C5: variants seen among roughly 807,000 people sequenced by gnomAD.
The protein encoded by C5 is complement C5, also known as C3 and PZP-like alpha-2-macroglobulin domain-containing protein 4.
C5 carries 140 observed loss-of-function variants against 218.8 expected under a neutral mutation model. The observed-to-expected ratio is 0.64, with a 90% CI of 0.56 to 0.74. The LOEUF (loss-of-function observed/expected upper bound fraction) is 0.74, where lower values mean the gene tolerates loss of function less well. Ranked by LOEUF, C5 falls within the 30% of genes least tolerant of loss-of-function variation. C5 has a pLI of 0.00. For synonymous variants in C5, 614 were observed against 682.3 expected (o/e 0.90, Z 1.56); for missense variants, 1,700 against 1,969.6 (o/e 0.86, Z 2.59).
chr9:121,034,957 A>G, intron 4 of C5, 63 bp from the exon 5 acceptor site: 1 of 788,190 alleles, frequency 1.3e-6, no homozygotes, highest in South Asian at 1.5e-5. Flanking sequence ...TTAACTGATT[A>G]TACAATCTTT....
Position 120,990,720 on chromosome 9 carries a change from G to T in C5, c.2941+471C>A, listed in dbSNP as rs1216063138. On this transcript the variant is annotated intron_variant, in intron 23 of 40. Coordinates refer to ENST00000223642, the MANE Select transcript of C5 (RefSeq NM_001735.3). The stretch of plus-strand genomic sequence containing the variant: ...GACTTCCCAGCCTCCAGAACTGTGA[G>T]AAATAAATTTGTATTATTTATAAAT... Among the ~76,000 whole-genome samples, 3 of 152,196 alleles carry T rather than the reference G, an allele frequency of 2.0e-5. No homozygotes were observed. The East Asian group carries it at 5.8e-4, about 29-fold the overall frequency.
chr9:120,952,540 C>G lies in C5; in HGVS notation c.*199G>C. 1 of 515,876 alleles carries G rather than the reference C, an allele frequency of 1.9e-6. No homozygotes were observed. Among genetic ancestry groups the G allele is most frequent in the Non-Finnish European group, 3.5e-6 (1 of 289,390 alleles). The allele number at this position is 515,876 out of a possible 1,614,324, so 32.0% of individuals were successfully genotyped here. A position where few individuals can be genotyped will look rare whatever the true frequency, so the allele number is the denominator to read the frequency against. ...TTGGAGGAGTATCTGTCTTCATGCCCTCCAAGGCCATGTTATTTCAGAAAG... is the reference window on the plus strand; with the variant it reads ...TTGGAGGAGTATCTGTCTTCATGCCGTCCAAGGCCATGTTATTTCAGAAAG... On this transcript the variant is annotated 3_prime_UTR_variant, in exon 41 of 41. Coordinates refer to ENST00000223642, the MANE Select transcript of C5 (RefSeq NM_001735.3).
intron 27 of C5, among the ~76,000 whole-genome samples, chr9:120,980,840 G>A (rs1018516964): frequency 5.9e-5 from 9 of 151,646 alleles, no homozygotes; most frequent in Non-Finnish European, 8.8e-5. Context: ...CTTGTGATCC[G>A]CCCGCCTCGG....
intron 2 of C5, among the ~76,000 whole-genome samples, chr9:121,044,743 T>C (rs41307976): frequency 0.019 from 2,920 of 152,318 alleles, 89 homozygotes; most frequent in African/African-American, 0.067. Flanking sequence ...GAGAACTTTC[T>C]GTGATGACAG....
At position 120,955,871 on chromosome 9, in the gene C5, G is replaced by A. The variant is rs569432131; in HGVS notation, c.4762+1414C>T. ...AGCCTGAACAACATAGTGAGACCCC[G>A]TCTCAAAAGAAAAAAAATCAAGCAT... is the stretch of plus-strand genomic sequence containing the variant. On this transcript the variant is annotated intron_variant, in intron 39 of 40. Transcript: ENST00000223642. Among the ~76,000 whole-genome samples, 13 of 151,358 alleles carry A rather than the reference G, an allele frequency of 8.6e-5. No individual in the cohort carries two copies. The South Asian group carries it at 2.3e-3, about 27-fold the overall frequency.
intron 20 of C5, among the ~76,000 whole-genome samples, chr9:121,002,233 T>G (rs1490675725): frequency 1.9e-4 from 11 of 58,004 alleles, no homozygotes; most frequent in Admixed American, 1.0e-3. Flanking sequence ...TATATATGTA[T>G]ATATGTATAT....
chr9:120,971,491 T>C (rs1422991089), intron 31 of C5, among the ~76,000 whole-genome samples: 1 of 152,192 alleles, frequency 6.6e-6, no homozygotes, highest in Non-Finnish European at 1.5e-5. Flanking sequence ...CAGGCTGCAG[T>C]GCAGTTGTGC....
At position 121,027,331 on chromosome 9, in the gene C5, G is replaced by A. The variant is rs1006837220; in HGVS notation, c.759-57C>T. On this transcript the variant is annotated intron_variant, in intron 7 of 40. Transcript: ENST00000223642. ...AACATGGTTACAATAACAGGATTCAGATAAAATGTAACAATTTGAAATTAC... is the reference window on the plus strand; with the variant it reads ...AACATGGTTACAATAACAGGATTCAAATAAAATGTAACAATTTGAAATTAC... 4.7e-6 allele frequency: 4 copies of A among 855,894 alleles called. No homozygotes were observed. The Admixed American group carries it at 5.9e-5, about 13-fold the overall frequency. 53.0% of individuals were successfully genotyped at this position (855,894 alleles called of 1,614,324 possible).
At chr9:120,979,623 C>T in intron 28 of C5, 1 of 215,026 alleles carries the variant, frequency 4.7e-6, no homozygotes, top group Non-Finnish European at 9.4e-6. Flanking sequence ...TGTGGTGGCT[C>T]ATGCCTGTGA....
chr9:121,031,556 T>C (rs987519438), intron 6 of C5, among the ~76,000 whole-genome samples: 3 of 152,136 alleles, frequency 2.0e-5, no homozygotes, highest in African/African-American at 7.2e-5. Context: ...TCCAGCTCTC[T>C]GATGGGGAAC....
At chr9:121,053,457 G>A (rs549270260), upstream of C5, among the ~76,000 whole-genome samples, 8 of 152,274 alleles carry the variant, frequency 5.3e-5, no homozygotes, top group South Asian at 1.5e-3. Flanking sequence ...GAGAGAGGGC[G>A]GAGGTGGAGC....
intron 3 of C5, among the ~76,000 whole-genome samples, chr9:121,041,612 C>T (rs1463138778): frequency 6.6e-6 from 1 of 152,020 alleles, no homozygotes; most frequent in Admixed American, 6.6e-5. Flanking sequence ...TTAAGGAAAG[C>T]CTTGATAACC....
At chr9:121,040,952 C>CTT (rs35536237) in intron 3 of C5, among the ~76,000 whole-genome samples, 4 of 129,266 alleles carry the variant, frequency 3.1e-5, no homozygotes, top group Non-Finnish European at 5.0e-5. Flanking sequence ...TTTTTTTTCT[C>CTT]TTTTTTTTTT....
intron 33 of C5, among the ~76,000 whole-genome samples, chr9:120,967,723 CTT>C (rs909586360): frequency 6.9e-6 from 1 of 145,300 alleles, no homozygotes. Context: ...TTTTCTTTTT[CTT>C]TTTTTTTTTA....
At chr9:121,008,049 A>G (rs1057374395) in intron 18 of C5, among the ~76,000 whole-genome samples, 1 of 152,190 alleles carries the variant, frequency 6.6e-6, no homozygotes, top group Non-Finnish European at 1.5e-5. Flanking sequence ...TTTAAAAAGA[A>G]AACTTTTCTT....
chr9:121,028,430 A>G (rs1300240216), intron 7 of C5, among the ~76,000 whole-genome samples: 2 of 152,214 alleles, frequency 1.3e-5, no homozygotes, highest in African/African-American at 4.8e-5. Flanking sequence ...ACTAGCAAAG[A>G]CTTGGAACCC....
intron 9 of C5, 106 bp from the exon 10 acceptor site, chr9:121,023,625 C>T: frequency 1.3e-6 from 1 of 749,100 alleles, no homozygotes; most frequent in South Asian, 1.4e-5. Context: ...CATTCACTCA[C>T]TCCATTCTTG....
the C5 span, among the ~76,000 whole-genome samples, chr9:121,069,170 C>T: frequency 2.4e-4 from 36 of 152,242 alleles, no homozygotes; most frequent in Non-Finnish European, 3.7e-4. Context: ...AACTAAAAGG[C>T]TTCTGCACAA....
At chr9:121,016,175 T>C in intron 15 of C5, 79 bp downstream of exon 15, 1 of 1,553,668 alleles carries the variant, frequency 6.4e-7, no homozygotes, top group Non-Finnish European at 8.9e-7. Flanking sequence ...ACAGAATATT[T>C]GGGAAGAAGG....
Sources: gnomAD v4.1 joint callset for allele counts (sites outside exome capture counted in the v4.1 genomes callset) on GRCh38, gnomAD v4.1.1 for gene constraint, MANE v1.5 for transcripts, NCBI Gene and HGNC (gene_info 2026-07-23, HGNC 2026-07-21) for gene names.